The following THSD7A variants were observed in gnomAD, a reference collection of about 807,000 sequenced individuals.
THSD7A encodes the protein thrombospondin type-1 domain-containing protein 7A.
THSD7A carries 96 observed loss-of-function variants against 231.3 expected under a neutral mutation model. That is an observed-to-expected ratio of 0.41 (90% confidence interval 0.35 to 0.49). The LOEUF (loss-of-function observed/expected upper bound fraction) is 0.49. Ranked by LOEUF, THSD7A falls within the 20% of genes least tolerant of loss-of-function variation. The probability of loss-of-function intolerance (pLI) is 0.05; values close to 1 mark genes in which losing one functional copy is unlikely to be tolerated. For missense variants in THSD7A, 2,290 were observed against 2,070.2 expected, an observed-to-expected ratio of 1.11 and a Z score of -2.06; for synonymous variants, 940 against 743.3, an observed-to-expected ratio of 1.26 and a Z score of -4.30.
intron 15 of THSD7A, among the ~76,000 whole-genome samples, chr7:11,425,958 A>G (rs1400274301): frequency 1.3e-5 from 2 of 152,164 alleles, no homozygotes. Flanking sequence ...AAAAAATGCT[A>G]GATGACACGT....
At chr7:11,413,755 A>G (rs1316119060) in intron 17 of THSD7A, 2 of 152,100 alleles carry the variant, frequency 1.3e-5, no homozygotes, top group Non-Finnish European at 2.9e-5. Flanking sequence ...AGATGACACC[A>G]CTATAGTAGA....
chr7:11,782,665 C>T (rs1163696999), intron 1 of THSD7A, among the ~76,000 whole-genome samples: 1 of 152,020 alleles, frequency 6.6e-6, no homozygotes, highest in Non-Finnish European at 1.5e-5. Context: ...ACCTTAAAAG[C>T]AGAATATAAT....
At chr7:11,807,010 A>C (rs977039838) in intron 1 of THSD7A, among the ~76,000 whole-genome samples, 7 of 152,040 alleles carry the variant, frequency 4.6e-5, no homozygotes, top group South Asian at 2.1e-4. Flanking sequence ...ATATATATAT[A>C]TCTCTTTCTT....
rs752027683 is a variant in THSD7A at position 11,406,941 on chromosome 7, T to A, written c.4031A>T (p.Gln1344Leu). The change falls in exon 21 of 28, where the codon CAA becomes CTA. Residue 1344 changes from glutamine (Q) to leucine (L), a missense_variant. Gln to Leu is a moderately radical substitution (Grantham distance 113, BLOSUM62 -2). Coordinates refer to ENST00000423059, the MANE Select transcript of THSD7A (RefSeq NM_015204.3). The surrounding 1 kb of genome is among the most constrained non-coding windows in gnomAD (Gnocchi z 4.7). ...TTGGCATGGAGACCACTGGCCATAT[T>A]GCCACCGATAACAAGGCTTCACTGG... ...PCPVKPCYRW[Q>L]YGQWSPCQVQ... is the part of the protein sequence containing the mutation. 1 of 1,613,878 alleles carries A rather than the reference T, an allele frequency of 6.2e-7. No homozygotes were observed. The highest frequency in any genetic ancestry group is 1.3e-5 in the African/African-American group (1 of 75,036).
At chr7:11,642,043 AT>A (rs1340471886) in intron 1 of THSD7A, among the ~76,000 whole-genome samples, 2 of 152,200 alleles carry the variant, frequency 1.3e-5, no homozygotes, top group African/African-American at 4.8e-5. Flanking sequence ...AAAACTGAGA[AT>A]TGTTAACCCA....
At chr7:11,550,587 C>T (rs37) in intron 4 of THSD7A, among the ~76,000 whole-genome samples, 30,829 of 152,118 alleles carry the variant, frequency 0.2, 4,045 homozygotes, top group Admixed American at 0.4. Flanking sequence ...GAAGAAGGTG[C>T]TTGCTTCTCC....
intron 16 of THSD7A, among the ~76,000 whole-genome samples, chr7:11,418,403 AC>A (rs149602130): frequency 0.022 from 3,399 of 152,270 alleles, 44 homozygotes; most frequent in South Asian, 0.032. Context: ...CTTCACTTTT[AC>A]CATAGTAAAT....
chr7:11,574,474 G>T (rs1485392456), intron 4 of THSD7A, among the ~76,000 whole-genome samples: 17 of 145,994 alleles, frequency 1.2e-4, no homozygotes, highest in African/African-American at 4.1e-4. Context: ...TCGCTCTGTC[G>T]CCCAGGCTGG....
At chr7:11,528,636 T>C (rs186976082) in intron 6 of THSD7A, among the ~76,000 whole-genome samples, 1 of 152,346 alleles carries the variant, frequency 6.6e-6, no homozygotes, top group African/African-American at 2.4e-5. Context: ...TTTAATGAGC[T>C]AATTTACTTA....
intron 5 of THSD7A, among the ~76,000 whole-genome samples, chr7:11,542,222 A>T (rs1380456480): frequency 6.6e-6 from 1 of 152,228 alleles, no homozygotes; most frequent in East Asian, 1.9e-4. Context: ...TGAAATATTC[A>T]AAGTCCTGCT....
At chr7:11,551,985 C>A (rs1294175123) in intron 4 of THSD7A, among the ~76,000 whole-genome samples, 1 of 151,652 alleles carries the variant, frequency 6.6e-6, no homozygotes, top group Non-Finnish European at 1.5e-5. Context: ...AAATGTGGTA[C>A]AAAAAAAGAA....
intron 1 of THSD7A, among the ~76,000 whole-genome samples, chr7:11,663,287 C>T (rs1010361087): frequency 6.6e-6 from 1 of 151,224 alleles, no homozygotes; most frequent in Non-Finnish European, 1.5e-5. Context: ...AATTCCTAGA[C>T]AAATATGACT....
intron 1 of THSD7A, among the ~76,000 whole-genome samples, chr7:11,685,620 G>A (rs868298577): frequency 6.6e-6 from 1 of 151,764 alleles, no homozygotes; most frequent in Non-Finnish European, 1.5e-5. Flanking sequence ...ATATGAAAAA[G>A]AGCTCATCAT....
At chr7:11,593,984 G>C (rs956902271) in intron 2 of THSD7A, among the ~76,000 whole-genome samples, 1 of 152,138 alleles carries the variant, frequency 6.6e-6, no homozygotes, top group Non-Finnish European at 1.5e-5. Flanking sequence ...TGTTGCCAAA[G>C]GAGATTAACA....
intron 6 of THSD7A, among the ~76,000 whole-genome samples, chr7:11,532,532 G>A (rs957186957): frequency 6.6e-6 from 1 of 152,096 alleles, no homozygotes; most frequent in Non-Finnish European, 1.5e-5. Context: ...CCATCAAGAG[G>A]CAGAGTCTAT....
chr7:11,760,849 G>C (rs1333724265), intron 1 of THSD7A, among the ~76,000 whole-genome samples: 1 of 151,084 alleles, frequency 6.6e-6, no homozygotes, highest in Non-Finnish European at 1.5e-5. Flanking sequence ...TTGCTTTTAA[G>C]AACATTTTAA....
chr7:11,668,053 A>G lies in THSD7A; in HGVS notation c.191-31092T>C, dbSNP rs371088343. Among the ~76,000 whole-genome samples, 5 of 152,176 alleles carry G rather than the reference A, an allele frequency of 3.3e-5. No homozygotes were observed. In the East Asian group the frequency reaches 5.8e-4, roughly 18 times the overall value. The stretch of plus-strand genomic sequence containing the variant: ...CCAAGATTAGGCTATGAGTCTTGAT[A>G]ACAAACTGTGCCAGGAAGTACCTGT... On this transcript the variant is annotated intron_variant, in intron 1 of 27. Transcript: ENST00000423059.
chr7:11,435,664 C>A (rs1784610478), intron 13 of THSD7A, among the ~76,000 whole-genome samples: 1 of 151,844 alleles, frequency 6.6e-6, no homozygotes, highest in African/African-American at 2.4e-5. Context: ...GATGCCCCCT[C>A]ACCTCAGCTA....
At chr7:11,375,982 G>T in intron 27 of THSD7A, 104 bp from the exon 28 acceptor site, 2 of 1,022,110 alleles carry the variant, frequency 2.0e-6, no homozygotes, top group Non-Finnish European at 3.0e-6. Context: ...AACTGAAATT[G>T]CCTCGTTGCC....
Sources: gnomAD v4.1 joint callset for allele counts (sites outside exome capture counted in the v4.1 genomes callset) on GRCh38, gnomAD v4.1.1 for gene constraint, Gnocchi (gnomAD v3.1) non-coding constraint, MANE v1.5 for transcripts, NCBI Gene and HGNC (gene_info 2026-07-23, HGNC 2026-07-21) for gene names.